RNF141: variants seen among roughly 807,000 people sequenced by gnomAD.
RNF141 encodes ring finger protein 141, also known as C3HC4-like zinc finger protein.
A neutral mutation model predicts 27.4 loss-of-function variants in RNF141; 18 were observed. The ratio of observed to expected loss-of-function variants is 0.66; its 90% CI spans 0.45 to 0.97. The LOEUF (loss-of-function observed/expected upper bound fraction) is 0.97, where lower values mean the gene tolerates loss of function less well. Ranked by LOEUF, RNF141 falls within the 50% of genes least tolerant of loss-of-function variation. RNF141 has a pLI of 0.00. For missense variants in RNF141, 230 were observed against 279.4 expected (o/e 0.82, Z 1.26); for synonymous variants, 97 against 96.6 (o/e 1.00, Z -0.02).
At chr11:10,520,807 G>A (rs1298820153) in intron 4 of RNF141, among the ~76,000 whole-genome samples, 2 of 152,140 alleles carry the variant, frequency 1.3e-5, no homozygotes, top group Non-Finnish European at 2.9e-5. Context: ...ACAGGCAATA[G>A]GAATTTTTTA....
At chr11:10,525,754 G>C (rs1192500012) in intron 3 of RNF141, among the ~76,000 whole-genome samples, 1 of 152,186 alleles carries the variant, frequency 6.6e-6, no homozygotes, top group African/African-American at 2.4e-5. Flanking sequence ...TCCAACAACC[G>C]CATGAGATTC....
chr11:10,537,811 A>C (rs1384056903), intron 1 of RNF141, among the ~76,000 whole-genome samples: 1 of 152,206 alleles, frequency 6.6e-6, no homozygotes, highest in Non-Finnish European at 1.5e-5. Flanking sequence ...TTACTTTAAG[A>C]AGGCTTCTTT....
intron 1 of RNF141, among the ~76,000 whole-genome samples, chr11:10,536,207 G>C (rs1850033226): frequency 6.6e-6 from 1 of 152,064 alleles, no homozygotes; most frequent in Admixed American, 6.6e-5. Flanking sequence ...GGTCAGAATG[G>C]TCAGAGTTAG....
At chr11:10,518,021 T>C (rs1276489926) in intron 5 of RNF141, among the ~76,000 whole-genome samples, 1 of 152,148 alleles carries the variant, frequency 6.6e-6, no homozygotes, top group East Asian at 1.9e-4. Context: ...GTGACAGAAA[T>C]TAAAGAAGAC....
intron 5 of RNF141, 47 bp downstream of exon 5, chr11:10,518,987 T>C (rs1246526506): frequency 1.4e-6 from 2 of 1,413,352 alleles, no homozygotes; most frequent in Non-Finnish European, 2.0e-6. Flanking sequence ...TCATGTACAC[T>C]ATCCCACTGA....
At position 10,512,492 on chromosome 11, in the gene RNF141, T is replaced by C. The variant is rs912145010; in HGVS notation, c.*2424A>G. 1 of 152,588 alleles carries C rather than the reference T, an allele frequency of 6.6e-6. No homozygotes were observed. The highest frequency in any genetic ancestry group is 1.5e-5 in the Non-Finnish European group (1 of 68,020). The allele number at this position is 152,588 out of a possible 1,614,324, so 9.5% of individuals were successfully genotyped here. A position where few individuals can be genotyped will look rare whatever the true frequency, so the allele number is the denominator to read the frequency against. On this transcript the variant is annotated 3_prime_UTR_variant, in exon 6 of 6. Transcript: ENST00000265981. ...CATTGTTAAATAACTCCTTGAAAGG[T>C]GAAGGATTCTGGGGGATAAAATCAT...
chr11:10,524,363 C>T (rs947231143), intron 4 of RNF141, among the ~76,000 whole-genome samples: 5 of 151,802 alleles, frequency 3.3e-5, no homozygotes, highest in African/African-American at 7.3e-5. Flanking sequence ...TGCAGTGAGC[C>T]GAGATCGCGC....
chr11:10,523,294 T>C (rs776152653), intron 4 of RNF141, among the ~76,000 whole-genome samples: 9 of 152,202 alleles, frequency 5.9e-5, no homozygotes, highest in Non-Finnish European at 1.0e-4. Context: ...AAGTAATAGG[T>C]TAGAGCACAG....
chr11:10,513,582 A>G lies in RNF141; in HGVS notation c.*1334T>C, dbSNP rs1436021497. On this transcript the variant is annotated 3_prime_UTR_variant, in exon 6 of 6. Transcript: ENST00000265981. ...TTCAGAATATTTTAATGGAAAGAGT[A>G]TTTCAATGGAAGTACAGTGAAACAG... 6.6e-6 allele frequency: 1 copy of G among 152,244 alleles called. No individual in the cohort carries two copies. The highest frequency in any genetic ancestry group is 1.5e-5 in the Non-Finnish European group (1 of 68,048). The allele number at this position is 152,244 out of a possible 1,614,324, so 9.4% of individuals were successfully genotyped here. A position where few individuals can be genotyped will look rare whatever the true frequency, so the allele number is the denominator to read the frequency against.
chr11:10,539,691 C>G (rs55965301), intron 1 of RNF141, among the ~76,000 whole-genome samples: 1 of 40,348 alleles, frequency 2.5e-5, no homozygotes, highest in African/African-American at 7.5e-5. Flanking sequence ...AAGATACATA[C>G]ATATATATTA....
At chr11:10,527,688 A>G (rs1189417323) in intron 3 of RNF141, among the ~76,000 whole-genome samples, 3 of 152,180 alleles carry the variant, frequency 2.0e-5, no homozygotes, top group Non-Finnish European at 2.9e-5. Context: ...TCTAATTTAC[A>G]TTTCAAATTG....
At chr11:10,517,392 T>C (rs1451493021) in intron 5 of RNF141, 1 of 151,816 alleles carries the variant, frequency 6.6e-6, no homozygotes. Context: ...CAACTTCAAG[T>C]GGGCTAATAC....
chr11:10,525,361 T>A lies in RNF141; in HGVS notation c.265A>T (p.Ser89Cys). The A allele has an allele frequency of 6.4e-7, 1 of 1,557,092 alleles. No individual in the cohort carries two copies. Among genetic ancestry groups the A allele is most frequent in the East Asian group, 2.3e-5 (1 of 43,332 alleles). ...ATCCGTGATGCCTCCACAATGCCAC[T>A]GCTTTTGTTAATCTAAAAATACAAA... ...RVVCTKINKSSGIVEASRIMN... is the reference protein window; with the variant it reads ...RVVCTKINKSCGIVEASRIMN... Residue 89 changes from serine to cysteine, a missense_variant, in exon 4 of 6, where the codon AGT becomes TGT. By Grantham distance (112) the Ser-to-Cys change is moderately radical. Transcript: ENST00000265981.
intron 1 of RNF141, among the ~76,000 whole-genome samples, chr11:10,535,060 C>T (rs1422339173): frequency 7.1e-6 from 1 of 141,262 alleles, no homozygotes; most frequent in African/African-American, 2.6e-5. Flanking sequence ...AATCAGATGC[C>T]CCCCCAAGAA....
rs553982204 is a variant in RNF141 at position 10,523,826 on chromosome 11, T to C, written c.434+1366A>G. ...ACACCATCCTCAGCTTTTAAAACAA[T>C]TAAACAAAACAACAACCACTATTCT... On this transcript the variant is annotated intron_variant, in intron 4 of 5. Coordinates refer to ENST00000265981, the MANE Select transcript of RNF141 (RefSeq NM_016422.4). 8.2e-4 allele frequency among the ~76,000 whole-genome samples: 124 copies of C among 152,136 alleles called. 2 individuals carry two copies. The highest frequency in any genetic ancestry group is 1.5e-5 in the Non-Finnish European group (1 of 68,032).
chr11:10,539,745 C>T lies in RNF141; in HGVS notation c.-48+1377G>A, dbSNP rs1230034611. ...AACTACAAAAGGATAGAGTGCCGTA[C>T]TAGGAGATTAAGAATATGGATTTCT... On this transcript the variant is annotated intron_variant, in intron 1 of 5. Transcript: ENST00000265981. Among the ~76,000 whole-genome samples the T allele has an allele frequency of 4.8e-5, 4 of 82,608 alleles. 1 individual carries two copies. The highest frequency in any genetic ancestry group is 9.5e-5 in the Non-Finnish European group (4 of 42,086). The allele number at this position is 82,608 out of a possible 152,430, so 54.2% of individuals were successfully genotyped here. A position where few individuals can be genotyped will look rare whatever the true frequency, so the allele number is the denominator to read the frequency against.
chr11:10,537,438 G>GA (rs572582177), intron 1 of RNF141, among the ~76,000 whole-genome samples: 1 of 151,894 alleles, frequency 6.6e-6, no homozygotes, highest in South Asian at 2.1e-4. Context: ...ACTTAACAAA[G>GA]AAAAAAACTG....
At chr11:10,517,119 GCTATATT>G (rs1849849065) in intron 5 of RNF141, 1 of 151,756 alleles carries the variant, frequency 6.6e-6, no homozygotes, top group Non-Finnish European at 1.5e-5. Flanking sequence ...AGTTATTATA[GCTATATT>G]CTATATAGTT....
intron 1 of RNF141, among the ~76,000 whole-genome samples, chr11:10,540,273 T>C (rs2133979858): frequency 6.6e-6 from 1 of 152,252 alleles, no homozygotes; most frequent in South Asian, 2.1e-4. Flanking sequence ...CCAGCAGCTT[T>C]ATATATATGC....
Sources: allele counts gnomAD v4.1 joint callset (sites outside exome capture counted in the v4.1 genomes callset), GRCh38; gene constraint gnomAD v4.1.1; transcripts MANE v1.5; gene names NCBI Gene and HGNC (gene_info 2026-07-23, HGNC 2026-07-21).